Variants in PPM1E observed in about 807,000 individuals in gnomAD.
PPM1E encodes protein phosphatase 1E.
PPM1E carries 20 observed loss-of-function variants against 65.9 expected under a neutral mutation model. The observed-to-expected ratio is 0.30, with a 90% CI of 0.21 to 0.44. The LOEUF is 0.44. Among genes scored for constraint, PPM1E ranks in the 20% least tolerant of loss-of-function variants. The pLI is 1.00. For missense variants in PPM1E, 713 were observed against 953.1 expected (o/e 0.75, Z 3.32); for synonymous variants, 352 against 374.9 (o/e 0.94, Z 0.70).
rs951708683 is a variant in PPM1E at position 58,982,496 on chromosome 17, C to T, written c.*1465C>T. The T allele has an allele frequency of 2.9e-4, 47 of 163,484 alleles. No individual in the cohort carries two copies. Among genetic ancestry groups the T allele is most frequent in the Admixed American group, 9.1e-4 (15 of 16,410 alleles). The allele number at this position is 163,484 out of a possible 1,614,324, so 10.1% of individuals were successfully genotyped here. On this transcript the variant is annotated 3_prime_UTR_variant, in exon 7 of 7. Coordinates refer to ENST00000308249, the MANE Select transcript of PPM1E (RefSeq NM_014906.5). ...AGTGCTCTCGCTAAGAAGTGTCCCC[C>T]GCCTAATCATGTGTTTATAGGATAG...
intron 1 of PPM1E, among the ~76,000 whole-genome samples, chr17:58,822,427 G>A (rs1270279511): frequency 6.6e-6 from 1 of 151,656 alleles, no homozygotes; most frequent in African/African-American, 2.4e-5. Context: ...AATACCAGCT[G>A]ACTTCTGATT....
intron 2 of PPM1E, among the ~76,000 whole-genome samples, chr17:58,960,879 A>G (rs1393236430): frequency 6.6e-6 from 1 of 152,084 alleles, no homozygotes; most frequent in Non-Finnish European, 1.5e-5. Flanking sequence ...TTAAAACTCT[A>G]TTGAGCAACA....
intron 1 of PPM1E, 78 bp from the exon 2 acceptor site, chr17:58,955,571 T>C (rs572964783): frequency 6.9e-7 from 1 of 1,459,482 alleles, no homozygotes; most frequent in South Asian, 1.2e-5. Context: ...TTATAATTAA[T>C]ATGTAATTAT....
chr17:58,775,990 TTGGTGTTTGTGA>T (rs1243346694), intron 1 of PPM1E, among the ~76,000 whole-genome samples: 1 of 151,094 alleles, frequency 6.6e-6, no homozygotes, highest in Non-Finnish European at 1.5e-5. Flanking sequence ...CCTCCCATTT[TTGGTGTTTGTGA>T]TGGTGGTAGA....
chr17:58,773,389 T>G (rs1306227909), intron 1 of PPM1E, among the ~76,000 whole-genome samples: 2 of 152,118 alleles, frequency 1.3e-5, no homozygotes, highest in Non-Finnish European at 2.9e-5. Context: ...AGATAATTTT[T>G]TATTAGTTTA....
At chr17:58,938,008 T>A (rs2052009688) in intron 1 of PPM1E, among the ~76,000 whole-genome samples, 1 of 152,158 alleles carries the variant, frequency 6.6e-6, no homozygotes, top group Non-Finnish European at 1.5e-5. Flanking sequence ...AATATACATT[T>A]AATGTTTCAG....
At chr17:58,866,088 AG>A (rs2051000423) in intron 1 of PPM1E, among the ~76,000 whole-genome samples, 1 of 152,210 alleles carries the variant, frequency 6.6e-6, no homozygotes, top group South Asian at 2.1e-4. Context: ...TTTCACAAAG[AG>A]TGTCTAAATA....
intron 1 of PPM1E, among the ~76,000 whole-genome samples, chr17:58,822,043 C>G (rs1195698865): frequency 6.6e-6 from 1 of 152,068 alleles, no homozygotes; most frequent in Non-Finnish European, 1.5e-5. Context: ...GAACACAAAG[C>G]TTTAAGTGGG....
intron 1 of PPM1E, among the ~76,000 whole-genome samples, chr17:58,837,334 C>T (rs1020073536): frequency 2.0e-5 from 2 of 99,104 alleles, no homozygotes; most frequent in African/African-American, 6.7e-5. Flanking sequence ...CACACACATA[C>T]ACACACACAC....
chr17:58,864,692 C>A (rs1304079922), intron 1 of PPM1E, among the ~76,000 whole-genome samples: 1 of 151,018 alleles, frequency 6.6e-6, no homozygotes, highest in African/African-American at 2.4e-5. Context: ...AATCCCAGCA[C>A]TTTGAGAGGC....
chr17:58,805,963 AAAAAAAAAAAC>A lies in PPM1E; in HGVS notation c.464+49518_464+49528del, dbSNP rs1243808205. 1.2e-4 allele frequency among the ~76,000 whole-genome samples: 13 copies of A among 112,984 alleles called. 1 individual carries two copies. Among genetic ancestry groups the A allele is most frequent in the East Asian group, 1.1e-3 (4 of 3,564 alleles). The allele number at this position is 112,984 out of a possible 152,430, so 74.1% of individuals were successfully genotyped here. ...GGCTGTTCTGCTAAAAAAAAAAACA[AAAAAAAAAAAC>A]AAAAAAAAAACAAAACAAAACAAAA... On this transcript the variant is annotated intron_variant, in intron 1 of 6. Coordinates refer to ENST00000308249, the MANE Select transcript of PPM1E (RefSeq NM_014906.5).
chr17:58,978,731 C>T (rs1265593331), intron 6 of PPM1E, among the ~76,000 whole-genome samples: 1 of 152,076 alleles, frequency 6.6e-6, no homozygotes, highest in Non-Finnish European at 1.5e-5. Context: ...AATTGAGAGT[C>T]CCTTGTTGTA....
intron 1 of PPM1E, among the ~76,000 whole-genome samples, chr17:58,953,016 C>T (rs1271691731): frequency 6.6e-6 from 1 of 152,100 alleles, no homozygotes; most frequent in Non-Finnish European, 1.5e-5. Flanking sequence ...ACTATTGTTC[C>T]ACTTGACTGA....
chr17:58,980,033 G>A lies in PPM1E; in HGVS notation c.1270G>A (p.Asp424Asn), dbSNP rs1388422887. ...TGCAGATTCTGCCTCCACTGTTCTGGATGGGACCGAAGACTACCTCATTCT... is the reference window on the plus strand; with the variant it reads ...TGCAGATTCTGCCTCCACTGTTCTGAATGGGACCGAAGACTACCTCATTCT... ...GDADSASTVL[D>N]GTEDYLILAC... Residue 424 changes from aspartate to asparagine, a missense_variant, in exon 7 of 7, where the codon GAT becomes AAT. This residue lies in a region of PPM1E where 88 missense variants were observed against 231.1 expected (regional missense o/e 0.38). Coordinates refer to ENST00000308249, the MANE Select transcript of PPM1E (RefSeq NM_014906.5). This position sits in a 1 kb window ranked among gnomAD's most constrained non-coding sequence, Gnocchi z 4.7. 6.2e-7 allele frequency: 1 copy of A among 1,614,156 alleles called. No homozygotes were observed. The highest frequency in any genetic ancestry group is 8.5e-7 in the Non-Finnish European group (1 of 1,180,024).
At chr17:58,895,098 C>T (rs1327191048) in intron 1 of PPM1E, among the ~76,000 whole-genome samples, 1 of 152,040 alleles carries the variant, frequency 6.6e-6, no homozygotes, top group Non-Finnish European at 1.5e-5. Context: ...CTGTTATGGC[C>T]ATCTGTAGTC....
intron 1 of PPM1E, among the ~76,000 whole-genome samples, chr17:58,803,239 A>C (rs1425360204): frequency 6.6e-6 from 1 of 152,198 alleles, no homozygotes; most frequent in Non-Finnish European, 1.5e-5. Context: ...TATTATACGA[A>C]GGTACATTCC....
At chr17:58,962,919 CA>C (rs1033058367) in intron 2 of PPM1E, among the ~76,000 whole-genome samples, 1 of 151,094 alleles carries the variant, frequency 6.6e-6, no homozygotes, top group East Asian at 2.0e-4. Context: ...ATCTTAACAA[CA>C]AAAAAAATTT....
chr17:58,973,557 G>A (rs2030787392), intron 6 of PPM1E, among the ~76,000 whole-genome samples: 1 of 151,976 alleles, frequency 6.6e-6, no homozygotes, highest in African/African-American at 2.4e-5. Flanking sequence ...GCTCACGCCT[G>A]TAATCCCAGC....
chr17:58,900,407 ACCTT>A (rs2051483930), intron 1 of PPM1E, among the ~76,000 whole-genome samples: 1 of 152,216 alleles, frequency 6.6e-6, no homozygotes, highest in Admixed American at 6.5e-5. Context: ...TGGAAGCAAG[ACCTT>A]CCACCAGCAA....
Sources: gnomAD v4.1 joint callset for allele counts (sites outside exome capture counted in the v4.1 genomes callset) on GRCh38, gnomAD v4.1.1 for gene constraint, gnomAD v4.1.1 regional missense constraint, Gnocchi (gnomAD v3.1) non-coding constraint, MANE v1.5 for transcripts, NCBI Gene and HGNC (gene_info 2026-07-23, HGNC 2026-07-21) for gene names.